Variants in SYNM observed in about 807,000 individuals in gnomAD.
The protein encoded by SYNM is synemin.
A neutral mutation model predicts 104.0 loss-of-function variants in SYNM; 95 were observed. That is an observed-to-expected ratio of 0.91 (90% CI 0.77 to 1.08). SYNM has a LOEUF of 1.08. SYNM is among the 50% of genes least tolerant of loss of function. The pLI, the probability that SYNM is intolerant of heterozygous loss-of-function variation, is 0.00. For synonymous variants in SYNM, 918 were observed against 869.0 expected (o/e 1.06, Z -0.99); for missense variants, 2,150 against 2,052.2 (o/e 1.05, Z -0.92).
chr15:99,117,803 C>T (rs1186857168), intron 2 of SYNM, among the ~76,000 whole-genome samples: 2 of 150,734 alleles, frequency 1.3e-5, no homozygotes, highest in African/African-American at 4.9e-5. Flanking sequence ...GCCACGGGCC[C>T]AGCTTTTCAG....
chr15:99,139,294 A>G (rs782108079), downstream of SYNM: 9 of 1,607,446 alleles, frequency 5.6e-6, no homozygotes, highest in Non-Finnish European at 7.6e-6. Flanking sequence ...GAGATAGAGA[A>G]AGTGTGAGGG....
chr15:99,122,904 A>C (rs564559957), intron 2 of SYNM, among the ~76,000 whole-genome samples: 1 of 152,358 alleles, frequency 6.6e-6, no homozygotes, highest in African/African-American at 2.4e-5. Flanking sequence ...TGCTGGTCAA[A>C]TAAATGAGTT....
intron 1 of SYNM, among the ~76,000 whole-genome samples, chr15:99,110,001 T>C (rs2067287033): frequency 6.6e-6 from 1 of 152,050 alleles, no homozygotes; most frequent in South Asian, 2.1e-4. Context: ...ATAGACTGAG[T>C]GGACTCAGGG....
the SYNM span, among the ~76,000 whole-genome samples, chr15:99,141,268 T>C: frequency 1.6e-4 from 25 of 152,252 alleles, no homozygotes; most frequent in African/African-American, 5.1e-4. Flanking sequence ...TATAACCACA[T>C]AGATGAATCT....
In SYNM at chr15:99,133,117, CCTTAA is replaced by C. The variant is rs2067530921; in HGVS notation, c.*64_*68del. The C allele has an allele frequency of 5.0e-6, 8 of 1,592,058 alleles. No individual in the cohort carries two copies. Among genetic ancestry groups the C allele is most frequent in the Middle Eastern group, 1.7e-4 (1 of 6,042 alleles). ...TTGGCGACGTGCCAACATCCAAAGG[CCTTAA>C]CTTATTTTAAGAGGCCGAGGGAGTC... is the stretch of plus-strand genomic sequence containing the variant. On this transcript the variant is annotated 3_prime_UTR_variant, in exon 4 of 4. Coordinates refer to ENST00000336292, the MANE Select transcript of SYNM (RefSeq NM_145728.3).
At position 99,134,074 on chromosome 15, in the gene SYNM, G is replaced by A. The variant is rs1555486387; in HGVS notation, c.*1016G>A. The A allele has an allele frequency of 1.3e-5, 2 of 152,146 alleles. No homozygotes were observed. Among genetic ancestry groups the A allele is most frequent in the Non-Finnish European group, 2.9e-5 (2 of 68,034 alleles). 9.4% of individuals were successfully genotyped at this position (152,146 alleles called of 1,614,324 possible). On this transcript the variant is annotated 3_prime_UTR_variant, in exon 4 of 4. Transcript: ENST00000336292. Reference sequence around the variant, plus strand: ...GCCTTTCCCAACCCTCCATTCATGGGATGCAGGTCTTTCTGAGCTCAAGGG... The same window carrying A: ...GCCTTTCCCAACCCTCCATTCATGGAATGCAGGTCTTTCTGAGCTCAAGGG...
chr15:99,126,788 G>T lies in SYNM; in HGVS notation c.1002G>T (p.Pro334=), dbSNP rs531875542. Residue 334 remains proline (P), a synonymous_variant, in exon 3 of 4, where the codon CCG becomes CCT. Transcript: ENST00000336292. The part of the protein sequence containing the change: ...VIWAEHVENM[P]SEFRNKSYHY... The stretch of plus-strand genomic sequence containing the variant: ...GGGCTGAGCACGTTGAAAACATGCC[G>T]TCAGGTAAGTAAAAGCTAATGACTT... 1 of 1,566,270 alleles carries T rather than the reference G, an allele frequency of 6.4e-7. No homozygotes were observed. Among genetic ancestry groups the T allele is most frequent in the Non-Finnish European group, 8.7e-7 (1 of 1,154,652 alleles).
At chr15:99,119,305 T>C (rs1253059159) in intron 2 of SYNM, among the ~76,000 whole-genome samples, 1 of 152,116 alleles carries the variant, frequency 6.6e-6, no homozygotes, top group Non-Finnish European at 1.5e-5. Context: ...GCATGCGCAT[T>C]GTGAGGCATT....
Position 99,133,187 on chromosome 15 carries a change from C to T in SYNM, c.*129C>T, listed in dbSNP as rs1025555510. 123 of 1,467,188 alleles carry T rather than the reference C, an allele frequency of 8.4e-5. No individual in the cohort carries two copies. The highest frequency in any genetic ancestry group is 1.0e-4 in the Non-Finnish European group (112 of 1,115,334). 90.9% of individuals were successfully genotyped at this position (1,467,188 alleles called of 1,614,324 possible). A position where few individuals can be genotyped will look rare whatever the true frequency, so the allele number is the denominator to read the frequency against. On this transcript the variant is annotated 3_prime_UTR_variant, in exon 4 of 4. Coordinates refer to ENST00000336292, the MANE Select transcript of SYNM (RefSeq NM_145728.3). The stretch of plus-strand genomic sequence containing the variant: ...CTTTTTTACTTTTTTAAAGAGTACT[C>T]CCGGCATGGTCAATTTCCTTTATAG...
At chr15:99,123,899 C>A (rs1206261326) in intron 2 of SYNM, among the ~76,000 whole-genome samples, 1 of 152,268 alleles carries the variant, frequency 6.6e-6, no homozygotes, top group Non-Finnish European at 1.5e-5. Context: ...GAGAGCCTTG[C>A]CTTGGAGCCT....
At chr15:99,120,590 G>A (rs891004810) in intron 2 of SYNM, among the ~76,000 whole-genome samples, 1 of 152,192 alleles carries the variant, frequency 6.6e-6, no homozygotes, top group Non-Finnish European at 1.5e-5. Flanking sequence ...ATGCTGGGTG[G>A]GGGCCTGCAA....
downstream of SYNM, chr15:99,140,286 C>T (rs1283409029): frequency 6.6e-6 from 1 of 152,374 alleles, no homozygotes; most frequent in Non-Finnish European, 1.5e-5. Flanking sequence ...CCAAATCAAA[C>T]ACAAATATTA....
At chr15:99,138,272 CAG>C, downstream of SYNM, 2 of 965,648 alleles carry the variant, frequency 2.1e-6, no homozygotes, top group Non-Finnish European at 3.0e-6. Context: ...AATTGTAGCA[CAG>C]AGCATAAAAC....
At chr15:99,123,526 C>T (rs1555484755) in intron 2 of SYNM, among the ~76,000 whole-genome samples, 3 of 152,190 alleles carry the variant, frequency 2.0e-5, no homozygotes, top group Admixed American at 6.5e-5. Context: ...CTGGTCTTCC[C>T]GGTGACTGAC....
In SYNM at chr15:99,130,060, C is replaced by G. The variant is rs3743244; in HGVS notation, c.1700C>G (p.Pro567Arg). The change falls in exon 4 of 4, where the codon CCG becomes CGG. Residue 567 changes from proline to arginine, a missense_variant. Coordinates refer to ENST00000336292, the MANE Select transcript of SYNM (RefSeq NM_145728.3). ...MKEKAKEKDS[P>R]KEKSVREREV... ...GAGAAGGCTAAGGAGAAGGACTCAC[C>G]GAAGGAGAAGAGCGTGCGAGAGAGA... 72 of 1,613,634 alleles carry G rather than the reference C, an allele frequency of 4.5e-5. No individual in the cohort carries two copies. The highest frequency in any genetic ancestry group is 5.7e-5 in the Non-Finnish European group (67 of 1,179,854).
Position 99,132,907 on chromosome 15 carries a change from A to G in SYNM, c.4547A>G (p.His1516Arg). 1 of 1,613,952 alleles carries G rather than the reference A, an allele frequency of 6.2e-7. No homozygotes were observed. Among genetic ancestry groups the G allele is most frequent in the East Asian group, 2.2e-5 (1 of 44,878 alleles). ...TCTGCTGGGGAAGGAGACCAGGCCC[A>G]CAGAGAACAGGGCAAGGAGCAGGCC... ...KASAGEGDQA[H>R]REQGKEQAMF... Residue 1516 changes from histidine to arginine, a missense_variant, in exon 4 of 4, where the codon CAC (histidine) becomes CGC (arginine). Coordinates refer to ENST00000336292, the MANE Select transcript of SYNM (RefSeq NM_145728.3).
At position 99,131,082 on chromosome 15, in the gene SYNM, A is replaced by G; in HGVS notation, c.2722A>G (p.Lys908Glu). 1.9e-6 allele frequency: 3 copies of G among 1,605,534 alleles called. No homozygotes were observed. Among genetic ancestry groups the G allele is most frequent in the Non-Finnish European group, 1.7e-6 (2 of 1,175,806 alleles). The stretch of plus-strand genomic sequence containing the variant: ...GGGGGACCTGGGTTCCACTCACTGG[A>G]AAGAACAAGCTAGAAGCGGTGAATT... ...LEGDLGSTHWKEQARSGEFHA... is the reference protein window; with the variant it reads ...LEGDLGSTHWEEQARSGEFHA... The change falls in exon 4 of 4, where the codon AAA becomes GAA. Residue 908 changes from lysine (K) to glutamate (E), a missense_variant. Lys to Glu is a moderately conservative substitution (Grantham distance 56). Coordinates refer to ENST00000336292, the MANE Select transcript of SYNM (RefSeq NM_145728.3). The surrounding 1 kb of genome is among the most constrained non-coding windows in gnomAD (Gnocchi z 4.3).
Position 99,129,412 on chromosome 15 carries a change from G to A in SYNM, c.1052G>A (p.Arg351Lys), listed in dbSNP as rs782062605. ...CACTATACCGACTCACTACTACAGA[G>A]GGAAAATGAAAGGAATCTATTTTCA... Reference protein sequence around the residue: ...SYHYTDSLLQRENERNLFSRQ... With the variant: ...SYHYTDSLLQKENERNLFSRQ... The change falls in exon 4 of 4, where the codon AGG becomes AAG. Residue 351 changes from arginine to lysine, a missense_variant. Arg to Lys is a conservative substitution (Grantham distance 26). Transcript: ENST00000336292. 8 of 1,613,854 alleles carry A rather than the reference G, an allele frequency of 5.0e-6. No individual in the cohort carries two copies. The African/African-American group carries it at 1.1e-4, about 22-fold the overall frequency.
intron 2 of SYNM, among the ~76,000 whole-genome samples, chr15:99,118,186 C>T (rs1004290835): frequency 6.6e-6 from 1 of 152,224 alleles, no homozygotes; most frequent in African/African-American, 2.4e-5. Flanking sequence ...AGAACCCATT[C>T]TTTTGTATAA....
Sources: allele counts gnomAD v4.1 joint callset (sites outside exome capture counted in the v4.1 genomes callset), GRCh38; gene constraint gnomAD v4.1.1; non-coding constraint Gnocchi (gnomAD v3.1); transcripts MANE v1.5; gene names NCBI Gene and HGNC (gene_info 2026-07-23, HGNC 2026-07-21).